The following KIAA0825 variants were observed in gnomAD, a reference collection of about 807,000 sequenced individuals.
The protein encoded by KIAA0825 is KIAA0825, also known as uncharacterized protein KIAA0825.
A neutral mutation model predicts 147.6 loss-of-function variants in KIAA0825; 119 were observed. The observed-to-expected ratio is 0.81, with a 90% CI of 0.69 to 0.94. KIAA0825 has a LOEUF of 0.94. Among genes scored for constraint, KIAA0825 ranks in the 40% least tolerant of loss-of-function variants. The pLI is 0.00. For missense variants in KIAA0825, 1,381 were observed against 1,472.7 expected, an observed-to-expected ratio of 0.94 and a Z score of 1.02; for synonymous variants, 470 against 518.1, an observed-to-expected ratio of 0.91 and a Z score of 1.26.
chr5:94,406,438 T>C (rs1468642807), intron 15 of KIAA0825, among the ~76,000 whole-genome samples: 2 of 152,214 alleles, frequency 1.3e-5, no homozygotes, highest in Non-Finnish European at 2.9e-5. Context: ...TCTTAAAATT[T>C]TAGAATTAGA....
chr5:94,489,835 G>T (rs1453252020), intron 5 of KIAA0825, among the ~76,000 whole-genome samples: 1 of 147,548 alleles, frequency 6.8e-6, no homozygotes, highest in East Asian at 2.0e-4. Context: ...GCAGTGAGCC[G>T]AGATCATGCC....
intron 11 of KIAA0825, 109 bp downstream of exon 11, chr5:94,464,760 A>G (rs1398281053): frequency 3.4e-6 from 3 of 869,854 alleles, no homozygotes; most frequent in African/African-American, 1.7e-5. Context: ...TTCAGATGTT[A>G]GAAACATGTT....
chr5:94,612,514 A>T (rs75613293), intron 1 of KIAA0825, among the ~76,000 whole-genome samples: 3,063 of 151,118 alleles, frequency 0.02, 207 homozygotes, highest in East Asian at 0.14. Context: ...TTTCTTTCCT[A>T]CTCTCACTCT....
chr5:94,520,023 G>T, intron 5 of KIAA0825: 1 of 1,138,330 alleles, frequency 8.8e-7, no homozygotes, highest in South Asian at 3.4e-5. Flanking sequence ...AGTATTTTTG[G>T]CTTATATTTC....
In KIAA0825 at chr5:94,417,308, A is replaced by G. The variant is rs1480805508; in HGVS notation, c.2555T>C (p.Ile852Thr). The change falls in exon 15 of 21, where the codon ATC becomes ACC. Residue 852 changes from isoleucine to threonine, a missense_variant. Ile to Thr is a moderately conservative substitution (Grantham distance 89). Coordinates refer to ENST00000682413, the MANE Select transcript of KIAA0825 (RefSeq NM_001145678.3). ...ACTGCAATGGTACAATATTTTAAAG[A>G]TGGCTTCCATCAAGCTGGGTCCTTG... is the stretch of plus-strand genomic sequence containing the variant. ...LNQGPSLMEA[I>T]FKILYHCSFS... 1 of 1,550,600 alleles carries G rather than the reference A, an allele frequency of 6.4e-7. No homozygotes were observed. The highest frequency in any genetic ancestry group is 2.0e-5 in the Admixed American group (1 of 50,978).
chr5:94,245,444 C>T (rs778123923), intron 20 of KIAA0825, among the ~76,000 whole-genome samples: 5 of 152,152 alleles, frequency 3.3e-5, no homozygotes, highest in Non-Finnish European at 7.4e-5. Context: ...AGAGAAATCA[C>T]AATAAAATAT....
intron 13 of KIAA0825, among the ~76,000 whole-genome samples, chr5:94,445,615 A>T (rs191749085): frequency 6.6e-6 from 1 of 152,226 alleles, no homozygotes; most frequent in Non-Finnish European, 1.5e-5. Flanking sequence ...CTCAACGAGT[A>T]TGCAAACCAA....
chr5:94,507,939 T>C (rs910307632), intron 5 of KIAA0825, among the ~76,000 whole-genome samples: 2 of 152,228 alleles, frequency 1.3e-5, no homozygotes, highest in Non-Finnish European at 2.9e-5. Context: ...CTTAGTGATA[T>C]TCACTTTTAA....
At chr5:94,454,490 G>T (rs1445788425) in intron 12 of KIAA0825, among the ~76,000 whole-genome samples, 1 of 152,012 alleles carries the variant, frequency 6.6e-6, no homozygotes, top group African/African-American at 2.4e-5. Context: ...TTCTTTAAAA[G>T]GCTTTTTTTC....
At chr5:94,452,004 C>T (rs1758477750) in intron 13 of KIAA0825, among the ~76,000 whole-genome samples, 1 of 152,050 alleles carries the variant, frequency 6.6e-6, no homozygotes, top group African/African-American at 2.4e-5. Context: ...TATATTTACA[C>T]ACAAGATGAC....
intron 20 of KIAA0825, among the ~76,000 whole-genome samples, chr5:94,351,469 G>T (rs1203004217): frequency 1.3e-5 from 2 of 152,170 alleles, no homozygotes; most frequent in Non-Finnish European, 1.5e-5. Context: ...CACATCCCAT[G>T]CTCATAGATG....
At chr5:94,484,640 T>C in intron 6 of KIAA0825, 129 bp downstream of exon 6, 2 of 565,796 alleles carry the variant, frequency 3.5e-6, no homozygotes, top group East Asian at 5.9e-5. Flanking sequence ...GTGTGCATTA[T>C]ACCAAATGCT....
intron 20 of KIAA0825, among the ~76,000 whole-genome samples, chr5:94,260,849 G>A (rs1490355937): frequency 2.6e-5 from 4 of 152,136 alleles, no homozygotes; most frequent in African/African-American, 4.8e-5. Context: ...GCAAGAATTC[G>A]GTGACATTTT....
chr5:94,185,658 G>A (rs1009184994), intron 20 of KIAA0825, among the ~76,000 whole-genome samples: 15 of 152,100 alleles, frequency 9.9e-5, no homozygotes, highest in African/African-American at 3.4e-4. Flanking sequence ...CATAATGTAT[G>A]GAGTACATGT....
At chr5:94,363,507 G>C (rs369017925) in intron 20 of KIAA0825, among the ~76,000 whole-genome samples, 4 of 152,098 alleles carry the variant, frequency 2.6e-5, no homozygotes. Context: ...CAGAGCAAGA[G>C]GTTAGCAACT....
At chr5:94,235,616 G>A (rs1774997968) in intron 20 of KIAA0825, among the ~76,000 whole-genome samples, 1 of 152,232 alleles carries the variant, frequency 6.6e-6, no homozygotes, top group African/African-American at 2.4e-5. Context: ...AATTTTCAAA[G>A]TAGATGAAAC....
chr5:94,607,440 C>CTTGCT (rs572576753), intron 1 of KIAA0825, among the ~76,000 whole-genome samples: 1,065 of 82,866 alleles, frequency 0.013, 15 homozygotes, highest in African/African-American at 0.055. Flanking sequence ...CTGGCCAACC[C>CTTGCT]TCTACTAAAA....
chr5:94,604,922 C>T (rs1787205084), intron 1 of KIAA0825, among the ~76,000 whole-genome samples: 1 of 151,546 alleles, frequency 6.6e-6, no homozygotes, highest in Non-Finnish European at 1.5e-5. Flanking sequence ...GAGATAGAGA[C>T]AAGAAAAGAA....
At chr5:94,248,506 TG>T (rs978076780) in intron 20 of KIAA0825, among the ~76,000 whole-genome samples, 1 of 152,172 alleles carries the variant, frequency 6.6e-6, no homozygotes, top group Non-Finnish European at 1.5e-5. Context: ...ACCAAAGCTC[TG>T]TAACCTGTTG....
Sources: gnomAD v4.1 joint callset for allele counts (sites outside exome capture counted in the v4.1 genomes callset) on GRCh38, gnomAD v4.1.1 for gene constraint, MANE v1.5 for transcripts, NCBI Gene and HGNC (gene_info 2026-07-23, HGNC 2026-07-21) for gene names.